The following TRIO variants were observed in gnomAD, a reference collection of about 807,000 sequenced individuals.
TRIO encodes trio Rho guanine nucleotide exchange factor.
Under a neutral mutation model 351.9 loss-of-function variants are expected in TRIO, and 58 were observed. The observed-to-expected ratio is 0.16, with a 90% CI of 0.13 to 0.21. The LOEUF is 0.21. Among genes scored for constraint, TRIO ranks in the 10% least tolerant of loss-of-function variants. The pLI is 1.00. For missense variants in TRIO, 3,201 were observed against 4,027.8 expected (o/e 0.79, Z 5.56); for synonymous variants, 1,758 against 1,595.7 (o/e 1.10, Z -2.42).
Position 14,207,313 on chromosome 5 carries a change from G to C in TRIO, c.157+63431G>C, listed in dbSNP as rs1484269773. On this transcript the variant is annotated intron_variant, in intron 1 of 56. Transcript: ENST00000344204. ...CACAGCCAGGTAGCATAGCAAGACT[G>C]TCTCTCACACACACACACACACACA... Among the ~76,000 whole-genome samples, 3 of 9,044 alleles carry C rather than the reference G, an allele frequency of 3.3e-4. 1 individual carries two copies. Among genetic ancestry groups the C allele is most frequent in the Non-Finnish European group, 6.8e-4 (3 of 4,412 alleles). The allele number at this position is 9,044 out of a possible 152,430, so 5.9% of individuals were successfully genotyped here.
chr5:14,170,517 T>C (rs1270358696), intron 1 of TRIO, among the ~76,000 whole-genome samples: 1 of 151,734 alleles, frequency 6.6e-6, no homozygotes, highest in East Asian at 1.9e-4. Flanking sequence ...TCTTTTTTTT[T>C]TTTTTTTTTG....
At chr5:14,393,791 A>C (rs1243784428) in intron 27 of TRIO, among the ~76,000 whole-genome samples, 1 of 152,242 alleles carries the variant, frequency 6.6e-6, no homozygotes, top group Non-Finnish European at 1.5e-5. Context: ...TGGCATTAAA[A>C]GTGCAATTGA....
At chr5:14,406,820 G>T in intron 33 of TRIO, 148 bp downstream of exon 33, 2 of 732,602 alleles carry the variant, frequency 2.7e-6, no homozygotes, top group Non-Finnish European at 4.5e-6. Context: ...TCCCGTGGTG[G>T]GGCAGAGACT....
At chr5:14,267,025 T>C (rs533134322) in intron 1 of TRIO, among the ~76,000 whole-genome samples, 1 of 152,338 alleles carries the variant, frequency 6.6e-6, no homozygotes, top group Admixed American at 6.5e-5. Flanking sequence ...TAGCAAAATA[T>C]GCCTCAAACT....
At chr5:14,488,530 A>C (rs1756223495) in intron 48 of TRIO, 2 of 539,178 alleles carry the variant, frequency 3.7e-6, no homozygotes, top group Non-Finnish European at 6.5e-6. Flanking sequence ...TCCAACCAGC[A>C]GAATATCTTC....
intron 56 of TRIO, 46 bp downstream of exon 56, chr5:14,507,306 C>G: frequency 6.2e-7 from 1 of 1,603,436 alleles, no homozygotes; most frequent in Admixed American, 1.7e-5. Context: ...AGCACACCGG[C>G]TTGGCCATGC....
chr5:14,272,627 T>A (rs1183632618), intron 2 of TRIO, among the ~76,000 whole-genome samples: 2 of 34,908 alleles, frequency 5.7e-5, no homozygotes, highest in East Asian at 0.012. Context: ...GTGGGAAGTT[T>A]TGCTTTACCA....
At chr5:14,274,998 G>T (rs527754336) in intron 2 of TRIO, among the ~76,000 whole-genome samples, 7 of 152,124 alleles carry the variant, frequency 4.6e-5, no homozygotes, top group Non-Finnish European at 8.8e-5. Flanking sequence ...CATATCCACC[G>T]GGTGGGTTGT....
At position 14,354,257 on chromosome 5, in the gene TRIO, T is replaced by C. The variant is rs149811852; in HGVS notation, c.2047-3921T>C. ...TGTGGATTCTCTTCTGCTGTCTTGA[T>C]TAATTTTGTTCTGTTTTGCTGATTT... On this transcript the variant is annotated intron_variant, in intron 11 of 56. Transcript: ENST00000344204. Among the ~76,000 whole-genome samples, 34 of 152,374 alleles carry C rather than the reference T, an allele frequency of 2.2e-4. No homozygotes were observed. In the East Asian group the frequency reaches 6.2e-3, roughly 28 times the overall value.
chr5:14,391,037 C>T, intron 27 of TRIO, 47 bp downstream of exon 27: 1 of 1,465,480 alleles, frequency 6.8e-7, no homozygotes, highest in Non-Finnish European at 9.3e-7. Context: ...AAGTTGTGTA[C>T]ATAAAATGCG....
At chr5:14,452,026 C>T (rs1303642608) in intron 34 of TRIO, among the ~76,000 whole-genome samples, 2 of 152,348 alleles carry the variant, frequency 1.3e-5, no homozygotes, top group East Asian at 1.9e-4. Flanking sequence ...GCAGGGCATC[C>T]GTGGGTGGCC....
intron 33 of TRIO, among the ~76,000 whole-genome samples, chr5:14,417,207 G>C (rs1376932160): frequency 6.6e-6 from 1 of 152,120 alleles, no homozygotes; most frequent in Non-Finnish European, 1.5e-5. Flanking sequence ...ATTTAACATG[G>C]GTTTTCCACG....
chr5:14,338,756 G>T (rs1218597652), intron 11 of TRIO, among the ~76,000 whole-genome samples: 1 of 152,170 alleles, frequency 6.6e-6, no homozygotes, highest in Non-Finnish European at 1.5e-5. Flanking sequence ...ATAAGGGAGA[G>T]GCAGGAAGAG....
intron 45 of TRIO, chr5:14,481,938 T>G: frequency 3.5e-6 from 1 of 288,364 alleles, no homozygotes; most frequent in Non-Finnish European, 6.5e-6. Context: ...AGACCATGGT[T>G]AGCTATGGAT....
At chr5:14,209,438 C>T (rs1454511293) in intron 1 of TRIO, among the ~76,000 whole-genome samples, 1 of 152,194 alleles carries the variant, frequency 6.6e-6, no homozygotes, top group Non-Finnish European at 1.5e-5. Flanking sequence ...GTCTCTACTC[C>T]CTCAATTACT....
intron 1 of TRIO, among the ~76,000 whole-genome samples, chr5:14,251,458 G>T (rs890538321): frequency 6.6e-6 from 1 of 152,216 alleles, no homozygotes; most frequent in Non-Finnish European, 1.5e-5. Flanking sequence ...GGAGAATTTG[G>T]AGATGGAGTG....
intron 37 of TRIO, among the ~76,000 whole-genome samples, chr5:14,469,497 A>C (rs1337760433): frequency 1.3e-5 from 2 of 152,262 alleles, no homozygotes; most frequent in Non-Finnish European, 2.9e-5. Flanking sequence ...TCTTCATGTA[A>C]GAAAGAGAGG....
At chr5:14,254,224 C>T (rs1794904856) in intron 1 of TRIO, among the ~76,000 whole-genome samples, 1 of 151,118 alleles carries the variant, frequency 6.6e-6, no homozygotes, top group African/African-American at 2.4e-5. Context: ...TGCTTTGTCA[C>T]CCAGGCTGGA....
intron 1 of TRIO, among the ~76,000 whole-genome samples, chr5:14,220,466 C>G (rs946751215): frequency 6.6e-6 from 1 of 152,210 alleles, no homozygotes; most frequent in Non-Finnish European, 1.5e-5. Flanking sequence ...TTGCACATCT[C>G]TCATGTTAAA....
Sources: gnomAD v4.1 joint callset for allele counts (sites outside exome capture counted in the v4.1 genomes callset) on GRCh38, gnomAD v4.1.1 for gene constraint, MANE v1.5 for transcripts, NCBI Gene and HGNC (gene_info 2026-07-23, HGNC 2026-07-21) for gene names.